Variants in RAPGEF2 observed in about 807,000 individuals in gnomAD.
The protein encoded by RAPGEF2 is PDZ domain containing guanine nucleotide exchange factor (GEF) 1.
Under a neutral mutation model 186.7 loss-of-function variants are expected in RAPGEF2, and 54 were observed. That is an observed-to-expected ratio of 0.29 (90% CI 0.23 to 0.36). The LOEUF (loss-of-function observed/expected upper bound fraction) is 0.36. Ranked by LOEUF, RAPGEF2 falls within the 10% of genes least tolerant of loss-of-function variation. RAPGEF2 has a pLI of 1.00. For synonymous variants in RAPGEF2, 712 were observed against 705.9 expected (o/e 1.01, Z -0.14); for missense variants, 1,532 against 2,045.0 (o/e 0.75, Z 4.84).
At chr4:159,108,631 T>A (rs1037766545) in intron 1 of RAPGEF2, among the ~76,000 whole-genome samples, 3 of 152,110 alleles carry the variant, frequency 2.0e-5, no homozygotes, top group Non-Finnish European at 4.4e-5. Context: ...AAAAAACTTA[T>A]TTGGGTAGAT....
intron 25 of RAPGEF2, among the ~76,000 whole-genome samples, chr4:159,348,179 T>A (rs1313845396): frequency 2.1e-4 from 31 of 150,508 alleles, no homozygotes; most frequent in Admixed American, 2.0e-3. Context: ...CGGGATTGCA[T>A]CACTGCACTC....
At chr4:159,159,150 C>T (rs1744433016) in intron 1 of RAPGEF2, among the ~76,000 whole-genome samples, 1 of 152,226 alleles carries the variant, frequency 6.6e-6, no homozygotes, top group Admixed American at 6.5e-5. Context: ...TTGTTTTCCT[C>T]TGCCACCTCT....
chr4:159,248,142 T>C (rs1342318313), intron 7 of RAPGEF2, among the ~76,000 whole-genome samples: 1 of 152,206 alleles, frequency 6.6e-6, no homozygotes, highest in East Asian at 1.9e-4. Flanking sequence ...GGGCAGTACT[T>C]TCTATTCCAA....
intron 7 of RAPGEF2, among the ~76,000 whole-genome samples, chr4:159,289,544 C>A (rs930410687): frequency 6.6e-6 from 1 of 152,088 alleles, no homozygotes; most frequent in African/African-American, 2.4e-5. Flanking sequence ...TTTCTCTCAG[C>A]CTCAATATCT....
At chr4:159,214,591 G>A (rs1750831475) in intron 4 of RAPGEF2, among the ~76,000 whole-genome samples, 1 of 152,148 alleles carries the variant, frequency 6.6e-6, no homozygotes, top group African/African-American at 2.4e-5. Flanking sequence ...CCCATTCTAT[G>A]AATGATGAAG....
chr4:159,342,849 AGTTTCTTATGCAGCCTTCTGTAAATT>A lies in RAPGEF2; in HGVS notation c.2919-126_2919-101del, dbSNP rs1047006939. 30 of 854,818 alleles carry A rather than the reference AGTTTCTTATGCAGCCTTCTGTAAATT, an allele frequency of 3.5e-5. No homozygotes were observed. The African/African-American group carries it at 4.6e-4, about 13-fold the overall frequency. 53.0% of individuals were successfully genotyped at this position (854,818 alleles called of 1,614,324 possible). On this transcript the variant is annotated intron_variant, in intron 20 of 29. Coordinates refer to ENST00000691494, the MANE Select transcript of RAPGEF2 (RefSeq NM_001394067.2). Reference sequence around the variant, plus strand: ...CTCATTCCCCAGAATTATCATGAACAGTTTCTTATGCAGCCTTCTGTAAATTGTTATGCATATAAAGCATAAACATA... The same window carrying A: ...CTCATTCCCCAGAATTATCATGAACAGTTATGCATATAAAGCATAAACATA...
At chr4:159,129,799 T>C (rs951752470) in intron 1 of RAPGEF2, among the ~76,000 whole-genome samples, 2 of 152,184 alleles carry the variant, frequency 1.3e-5, no homozygotes, top group African/African-American at 4.8e-5. Flanking sequence ...AAAAGAGGGT[T>C]CTTGGATCTT....
chr4:159,221,391 A>T (rs899643139), intron 4 of RAPGEF2, among the ~76,000 whole-genome samples: 7 of 152,206 alleles, frequency 4.6e-5, no homozygotes, highest in Non-Finnish European at 8.8e-5. Flanking sequence ...AAGGCAATAG[A>T]GCAAAGTTAC....
At chr4:159,145,821 G>A (rs116012170) in intron 1 of RAPGEF2, among the ~76,000 whole-genome samples, 2,263 of 152,288 alleles carry the variant, frequency 0.015, 69 homozygotes, top group African/African-American at 0.051. Context: ...GGTGCCATGT[G>A]GATTGGTTGG....
At chr4:159,291,730 C>G (rs756837187) in intron 7 of RAPGEF2, among the ~76,000 whole-genome samples, 4 of 151,736 alleles carry the variant, frequency 2.6e-5, no homozygotes, top group Non-Finnish European at 5.9e-5. Context: ...GATGGAGTTT[C>G]ACAGTTTTGA....
chr4:159,152,620 G>GT lies in RAPGEF2; in HGVS notation c.70-34015dup, dbSNP rs986179045. ...TTTCCCCTGTTAAAAACTTTTTTTT[G>GT]TTTTTTTGGTTTTTTTAGATGGAAT... is the stretch of plus-strand genomic sequence containing the variant. On this transcript the variant is annotated intron_variant, in intron 1 of 29. Coordinates refer to ENST00000691494, the MANE Select transcript of RAPGEF2 (RefSeq NM_001394067.2). 4.6e-5 allele frequency among the ~76,000 whole-genome samples: 7 copies of GT among 151,566 alleles called. No individual in the cohort carries two copies. The East Asian group carries it at 5.8e-4, about 13-fold the overall frequency.
intron 22 of RAPGEF2, 70 bp downstream of exon 22, chr4:159,343,474 AT>A (rs1350393322): frequency 6.4e-7 from 1 of 1,565,910 alleles, no homozygotes; most frequent in Non-Finnish European, 8.7e-7. Context: ...CCAATAAATG[AT>A]TTTTTTAAAG....
intron 7 of RAPGEF2, chr4:159,267,169 G>A: frequency 2.3e-6 from 3 of 1,285,312 alleles, no homozygotes; most frequent in Non-Finnish European, 3.0e-6. Context: ...ACAGACTACA[G>A]TGTCTTGCTT....
chr4:159,348,246 G>GATAGATAGATA (rs1561329991), intron 25 of RAPGEF2, among the ~76,000 whole-genome samples: 214 of 30,464 alleles, frequency 7.0e-3, no homozygotes, highest in African/African-American at 0.011. Flanking sequence ...ATAGATAGAT[G>GATAGATAGATA]GATGGATGGA....
At chr4:159,261,226 A>C (rs997779848) in intron 7 of RAPGEF2, among the ~76,000 whole-genome samples, 3 of 151,640 alleles carry the variant, frequency 2.0e-5, no homozygotes, top group Non-Finnish European at 4.4e-5. Context: ...AAGACTGGCT[A>C]ATTTTTTTTG....
At chr4:159,191,144 A>C (rs6820465) in intron 2 of RAPGEF2, among the ~76,000 whole-genome samples, 7,919 of 151,938 alleles carry the variant, frequency 0.052, 700 homozygotes, top group African/African-American at 0.18. Flanking sequence ...AGGACCCTGG[A>C]GATGATAACA....
At chr4:159,191,060 G>C (rs1748070831) in intron 2 of RAPGEF2, among the ~76,000 whole-genome samples, 1 of 152,160 alleles carries the variant, frequency 6.6e-6, no homozygotes, top group African/African-American at 2.4e-5. Flanking sequence ...GCATTGCTTT[G>C]GAAGTCATCA....
Position 159,352,701 on chromosome 4 carries a change from C to A in RAPGEF2, c.3882C>A (p.Pro1294=), listed in dbSNP as rs372527845. Residue 1294 remains proline, a synonymous_variant, in exon 27 of 30, where the codon CCC becomes CCA. Transcript: ENST00000691494. ...CTCATGCAGGCTATACTTTGGCTCC[C>A]AGTGGTACTGTGGATAATTTTTCAG... The part of the protein sequence containing the change: ...SSPRKGYTLA[P]SGTVDNFSDS... 4.0e-4 allele frequency: 650 copies of A among 1,613,614 alleles called. 6 individuals carry two copies. The South Asian group carries it at 4.3e-3, about 11-fold the overall frequency.
intron 7 of RAPGEF2, among the ~76,000 whole-genome samples, chr4:159,260,784 T>C (rs1180420836): frequency 6.6e-6 from 1 of 152,162 alleles, no homozygotes; most frequent in Non-Finnish European, 1.5e-5. Context: ...GTTTCACTCT[T>C]GTTGCCCAGG....
Sources: allele counts gnomAD v4.1 joint callset (sites outside exome capture counted in the v4.1 genomes callset), GRCh38; gene constraint gnomAD v4.1.1; transcripts MANE v1.5; gene names NCBI Gene and HGNC (gene_info 2026-07-23, HGNC 2026-07-21).